The following NBPF20 variants were observed in gnomAD, a reference collection of about 807,000 sequenced individuals.
NBPF20 encodes the protein NBPF family member NBPF20.
Under a neutral mutation model 68.1 loss-of-function variants are expected in NBPF20, and 90 were observed. The observed-to-expected ratio is 1.32, with a 90% CI of 1.11 to 1.58. NBPF20 has a LOEUF of 1.58. Among genes scored for constraint, NBPF20 ranks in the 40% most tolerant of loss-of-function variants. The probability of loss-of-function intolerance (pLI) is 0.00; values close to 1 mark genes in which losing one functional copy is unlikely to be tolerated. For synonymous variants in NBPF20, 290 were observed against 228.1 expected (o/e 1.27, Z -2.45); for missense variants, 816 against 601.2 (o/e 1.36, Z -3.74).
chr1:145,425,274 C>G, the NBPF20 span, among the ~76,000 whole-genome samples: 220 of 143,220 alleles, frequency 1.5e-3, no homozygotes, highest in African/African-American at 5.3e-3. Flanking sequence ...ACAAAGCTTG[C>G]GACAGCCGCA....
chr1:145,291,871 A>C, intron 137 of NBPF20, 102 bp from the exon 143 acceptor site: 2 of 1,603,572 alleles, frequency 1.2e-6, no homozygotes, highest in Non-Finnish European at 8.5e-7. Context: ...TAGAAAAGAA[A>C]AAGGATAGAT....
intron 115 of NBPF20, among the ~76,000 whole-genome samples, chr1:145,309,528 C>G (rs1358186357): frequency 1.4e-5 from 1 of 69,320 alleles, no homozygotes; most frequent in Non-Finnish European, 2.7e-5. Flanking sequence ...GTGAATTATC[C>G]AGGTGACACA....
At position 145,292,539 on chromosome 1, in the gene NBPF20, C is replaced by T. The variant is rs782289514; in HGVS notation, c.16589-50G>A. Reference sequence around the variant, plus strand: ...GACACATTAAGCTGATTCCCCTACACACATAACAATCCACTGTCTAATCCT... The same window carrying T: ...GACACATTAAGCTGATTCCCCTACATACATAACAATCCACTGTCTAATCCT... On this transcript the variant is annotated intron_variant, in intron 136 of 137. Transcript: ENST00000369373. 46 of 695,094 alleles carry T rather than the reference C, an allele frequency of 6.6e-5. 1 individual carries two copies. In the Admixed American group the frequency reaches 9.0e-4, roughly 14 times the overall value. 43.1% of individuals were successfully genotyped at this position (695,094 alleles called of 1,614,324 possible).
chr1:145,298,450 A>C (rs1661349614), intron 129 of NBPF20, among the ~76,000 whole-genome samples: 1 of 133,972 alleles, frequency 7.5e-6, no homozygotes, highest in Non-Finnish European at 1.6e-5. Flanking sequence ...GTAACAGGAC[A>C]CTCTGAGTTA....
At position 145,352,330 on chromosome 1, in the gene NBPF20, G is replaced by GACAC. The variant is rs1168799009; in HGVS notation, c.7350-245_7350-242dup. On this transcript the variant is annotated intron_variant, in intron 61 of 137. Coordinates refer to ENST00000369373, the Ensembl canonical transcript of NBPF20. ...ACACACACACACACACACACACACA[G>GACAC]ACACACACACACACACAGAGAGAAC... Among the ~76,000 whole-genome samples, 4 of 82,054 alleles carry GACAC rather than the reference G, an allele frequency of 4.9e-5. No homozygotes were observed. The East Asian group carries it at 1.2e-3, about 24-fold the overall frequency. The allele number at this position is 82,054 out of a possible 152,430, so 53.8% of individuals were successfully genotyped here. A position where few individuals can be genotyped will look rare whatever the true frequency, so the allele number is the denominator to read the frequency against.
At chr1:145,292,569 C>G (rs1661202119) in intron 136 of NBPF20, 80 bp from the exon 142 acceptor site, 5 of 736,602 alleles carry the variant, frequency 6.8e-6, no homozygotes, top group Non-Finnish European at 9.7e-6. Flanking sequence ...AATCCTCACA[C>G]AGGGACCTCA....
the NBPF20 span, among the ~76,000 whole-genome samples, chr1:145,419,113 GAGGGAGGCAGGGAGGA>G: frequency 1.5e-5 from 2 of 129,812 alleles, no homozygotes; most frequent in South Asian, 5.6e-4. Flanking sequence ...GGGAGGGAGG[GAGGGAGGCAGGGAGGA>G]AGGGAGGAAG....
intron 3 of NBPF20, 69 bp downstream of exon 8, chr1:145,403,147 C>T: frequency 6.3e-7 from 1 of 1,589,198 alleles, no homozygotes; most frequent in Non-Finnish European, 8.6e-7. Flanking sequence ...TTACGTCTCC[C>T]CACCGAGCTG....
At chr1:145,419,697 C>T in the NBPF20 span, among the ~76,000 whole-genome samples, 1 of 152,090 alleles carries the variant, frequency 6.6e-6, no homozygotes, top group Non-Finnish European at 1.5e-5. Flanking sequence ...AGGATACAAA[C>T]AGGCCATGCC....
At chr1:145,396,713 T>C (rs1157949269) in intron 7 of NBPF20, among the ~76,000 whole-genome samples, 7 of 147,790 alleles carry the variant, frequency 4.7e-5, no homozygotes, top group African/African-American at 1.6e-4. Context: ...TCTTTTTTTT[T>C]TCCATATGTA....
At chr1:145,400,815 T>C (rs1234902761) in intron 5 of NBPF20, among the ~76,000 whole-genome samples, 4 of 152,050 alleles carry the variant, frequency 2.6e-5, no homozygotes, top group African/African-American at 4.8e-5. Flanking sequence ...TTCATTGCAC[T>C]GGACAGATAG....
At chr1:145,410,427 G>A (rs2101609035), upstream of NBPF20, among the ~76,000 whole-genome samples, 1 of 148,930 alleles carries the variant, frequency 6.7e-6, no homozygotes, top group Admixed American at 6.7e-5. Flanking sequence ...CCATTCTCCT[G>A]CCTCAGCCTC....
Position 145,291,449 on chromosome 1 carries a change from T to C in NBPF20, c.*77A>G, listed in dbSNP as rs1226447362. On this transcript the variant is annotated 3_prime_UTR_variant, in exon 138 of 138. Transcript: ENST00000369373. The stretch of plus-strand genomic sequence containing the variant: ...CTATGTCTGGGCTTCCAAATGGAAC[T>C]GTACTTTCATTCAAATCTTCACGTG... The C allele has an allele frequency of 9.9e-6, 16 of 1,611,736 alleles. No homozygotes were observed. The African/African-American group carries it at 2.0e-4, about 20-fold the overall frequency.
chr1:145,406,652 T>C (rs1362618370), upstream of NBPF20, among the ~76,000 whole-genome samples: 1 of 149,288 alleles, frequency 6.7e-6, no homozygotes, highest in Non-Finnish European at 1.5e-5. Flanking sequence ...ATCATAAAAT[T>C]TGGTTTTCTC....
chr1:145,415,428 G>A, the NBPF20 span, among the ~76,000 whole-genome samples: 29 of 151,776 alleles, frequency 1.9e-4, no homozygotes, highest in Non-Finnish European at 3.4e-4. Flanking sequence ...GACCCTTTAC[G>A]GGTGTCGGGC....
chr1:145,291,420 C>A (rs1661073857), exon 138 of NBPF20: 2 of 1,608,046 alleles, frequency 1.2e-6, no homozygotes, highest in East Asian at 2.2e-5. Flanking sequence ...CCCACTGACC[C>A]ATCCTATGTC....
At chr1:145,290,031 A>AGAT (rs1660961673) in exon 138 of NBPF20, 1 of 149,052 alleles carries the variant, frequency 6.7e-6, no homozygotes, top group South Asian at 2.1e-4. Context: ...TTAATTGTAT[A>AGAT]GATTAAAATT....
chr1:145,393,019 G>T (rs1661983118), intron 10 of NBPF20, 55 bp downstream of exon 15: 1 of 430,140 alleles, frequency 2.3e-6, no homozygotes, highest in Non-Finnish European at 3.8e-6. Context: ...GTAGGAATAT[G>T]ACCCTAACCA....
At chr1:145,421,563 G>T in the NBPF20 span, among the ~76,000 whole-genome samples, 1 of 151,986 alleles carries the variant, frequency 6.6e-6, no homozygotes, top group East Asian at 1.9e-4. Context: ...TGCCAGGCAA[G>T]GTCAAGTACT....
Sources: allele counts gnomAD v4.1 joint callset (sites outside exome capture counted in the v4.1 genomes callset), GRCh38; gene constraint gnomAD v4.1.1; transcripts MANE v1.5; gene names NCBI Gene and HGNC (gene_info 2026-07-23, HGNC 2026-07-21).